The following MGAT5 variants were observed in gnomAD, a reference collection of about 807,000 sequenced individuals.
The protein encoded by MGAT5 is alpha-1,6-mannosylglycoprotein 6-beta-N-acetylglucosaminyltransferase A.
A neutral mutation model predicts 94.3 loss-of-function variants in MGAT5; 30 were observed. The observed-to-expected ratio is 0.32, with a 90% CI of 0.24 to 0.43. The LOEUF is 0.43. MGAT5 is among the 20% of genes least tolerant of loss of function. The probability of loss-of-function intolerance (pLI) is 1.00; values close to 1 mark genes in which losing one functional copy is unlikely to be tolerated. For synonymous variants in MGAT5, 310 were observed against 322.9 expected (o/e 0.96, Z 0.43); for missense variants, 691 against 905.5 (o/e 0.76, Z 3.04).
chr2:134,227,023 A>G (rs1434936705), intron 1 of MGAT5, among the ~76,000 whole-genome samples: 1 of 146,282 alleles, frequency 6.8e-6, no homozygotes, highest in Admixed American at 6.9e-5. Context: ...TGAAATCTCC[A>G]TTTTTCAAAT....
intron 1 of MGAT5, among the ~76,000 whole-genome samples, chr2:134,193,811 G>T (rs1247461440): frequency 1.3e-5 from 2 of 151,430 alleles, no homozygotes; most frequent in African/African-American, 2.4e-5. Flanking sequence ...GCTTCTGCTA[G>T]ATCCCATTTT....
intron 2 of MGAT5, among the ~76,000 whole-genome samples, chr2:134,272,291 C>T (rs1684078660): frequency 6.6e-6 from 1 of 152,126 alleles, no homozygotes. Flanking sequence ...AAGCCAATGG[C>T]TCTGAGCGGG....
In MGAT5 at chr2:134,240,357, G is replaced by GTTTTTTTTTTTTTTTTTT. The variant is rs11316083; in HGVS notation, c.-142-13890_-142-13889insTTTTTTTTTTTTTTTTTT. 1.6e-4 allele frequency among the ~76,000 whole-genome samples: 23 copies of GTTTTTTTTTTTTTTTTTT among 146,808 alleles called. No homozygotes were observed. In the East Asian group the frequency reaches 4.2e-3, roughly 27 times the overall value. ...TGAGCTTTCATTCTAAAATGAAAGTGTTTTTTTTTTTTTTTACTATTTGTA... is the reference window on the plus strand; with the variant it reads ...TGAGCTTTCATTCTAAAATGAAAGTGTTTTTTTTTTTTTTTTTTTTTTTTTTTTTTTTTACTATTTGTA... On this transcript the variant is annotated intron_variant, in intron 1 of 16. Coordinates refer to the MGAT5 transcript ENST00000409645.
chr2:134,447,050 TACATAC>T (rs892071027), intron 15 of MGAT5, among the ~76,000 whole-genome samples: 2 of 152,182 alleles, frequency 1.3e-5, no homozygotes, highest in Non-Finnish European at 2.9e-5. Context: ...AATGATGCTT[TACATAC>T]ACATACACAT....
intron 9 of MGAT5, among the ~76,000 whole-genome samples, chr2:134,358,461 A>G (rs1679890131): frequency 6.6e-6 from 1 of 152,238 alleles, no homozygotes; most frequent in Non-Finnish European, 1.5e-5. Context: ...TGTTTATTGC[A>G]GAAGTCTTAG....
At chr2:134,341,500 C>A in intron 6 of MGAT5, 90 bp from the exon 7 acceptor site, 1 of 1,108,266 alleles carries the variant, frequency 9.0e-7, no homozygotes, top group Non-Finnish European at 1.3e-6. Flanking sequence ...GTAAACATGA[C>A]TTTGGGATTG....
chr2:134,360,393 T>A (rs1573913452), intron 9 of MGAT5, among the ~76,000 whole-genome samples: 1 of 152,210 alleles, frequency 6.6e-6, no homozygotes, highest in East Asian at 1.9e-4. Context: ...TATTTTTTAC[T>A]ATATATTAGT....
At chr2:134,412,589 C>G (rs913816331) in intron 11 of MGAT5, among the ~76,000 whole-genome samples, 1 of 152,020 alleles carries the variant, frequency 6.6e-6, no homozygotes, top group Admixed American at 6.5e-5. Flanking sequence ...ATCCTCCCTA[C>G]CCCGTGGATA....
In MGAT5 at chr2:134,422,907, T is replaced by A. The variant is rs1440228692; in HGVS notation, c.1782T>A (p.Ile594=). ...AAGTAGAGGATGCAGTGAAAGCAAT[T>A]TTAAATCAGAAGGTTGGTTCATTTT... ...QEEVEDAVKA[I]LNQKIEPYMP... is the part of the protein sequence containing the mutation. Residue 594 remains isoleucine (I), a synonymous_variant, in exon 13 of 16, where the codon ATT becomes ATA. Transcript: ENST00000281923. The A allele has an allele frequency of 6.2e-7, 1 of 1,612,900 alleles. No individual in the cohort carries two copies. Among genetic ancestry groups the A allele is most frequent in the Non-Finnish European group, 8.5e-7 (1 of 1,178,972 alleles).
At chr2:134,167,545 T>A (rs564413061) in intron 1 of MGAT5, among the ~76,000 whole-genome samples, 1 of 152,246 alleles carries the variant, frequency 6.6e-6, no homozygotes, top group East Asian at 1.9e-4. Context: ...ATGTTGCCGG[T>A]TCGGGGTCTA....
At chr2:134,146,979 G>A (rs180679421) in intron 1 of MGAT5, among the ~76,000 whole-genome samples, 16 of 152,238 alleles carry the variant, frequency 1.1e-4, no homozygotes, top group Middle Eastern at 3.4e-3. Context: ...GGGTGTGGTG[G>A]TCCCTTTCCA....
At chr2:134,252,538 G>A (rs547085221), upstream of MGAT5, among the ~76,000 whole-genome samples, 6 of 152,286 alleles carry the variant, frequency 3.9e-5, no homozygotes, top group South Asian at 1.2e-3. Context: ...GATAGGCTGT[G>A]GACCACATCT....
chr2:134,201,816 CTTTTT>C (rs554227745), intron 1 of MGAT5, among the ~76,000 whole-genome samples: 3 of 67,874 alleles, frequency 4.4e-5, no homozygotes, highest in African/African-American at 7.3e-5. Flanking sequence ...CCAAGCGCTG[CTTTTT>C]TTTTTTTTTT....
At chr2:134,390,537 AAT>A (rs371124483) in intron 10 of MGAT5, among the ~76,000 whole-genome samples, 21 of 152,288 alleles carry the variant, frequency 1.4e-4, no homozygotes, top group African/African-American at 2.4e-4. Context: ...TTTTTATTTC[AAT>A]ATATGTTTCT....
chr2:134,338,377 C>G lies in MGAT5; in HGVS notation c.764C>G (p.Ser255Cys). 1 of 1,611,752 alleles carries G rather than the reference C, an allele frequency of 6.2e-7. No homozygotes were observed. The highest frequency in any genetic ancestry group is 1.1e-5 in the South Asian group (1 of 90,576). ...GACGCATGGATCCAAGCAATCAAGT[C>G]CCTGGCAGAAAAGCAGAACCTTGAA... ...MADAWIQAIKSLAEKQNLEKR... is the reference protein window; with the variant it reads ...MADAWIQAIKCLAEKQNLEKR... The change falls in exon 6 of 16, where the codon TCC becomes TGC. Residue 255 changes from serine (S) to cysteine (C), a missense_variant. Coordinates refer to ENST00000281923, the MANE Select transcript of MGAT5 (RefSeq NM_002410.5).
intron 1 of MGAT5, among the ~76,000 whole-genome samples, chr2:134,237,971 C>T (rs548750161): frequency 3.3e-5 from 5 of 152,020 alleles, no homozygotes; most frequent in East Asian, 1.9e-4. Context: ...GGCTGATCTC[C>T]AACTCCTGAC....
At chr2:134,189,800 C>T (rs1412443627) in intron 1 of MGAT5, among the ~76,000 whole-genome samples, 1 of 151,724 alleles carries the variant, frequency 6.6e-6, no homozygotes, top group East Asian at 1.9e-4. Flanking sequence ...CAGGTTTTCA[C>T]CATGTTGGCC....
intron 1 of MGAT5, among the ~76,000 whole-genome samples, chr2:134,195,418 T>G: frequency 6.6e-6 from 1 of 152,242 alleles, no homozygotes; most frequent in East Asian, 1.9e-4. Context: ...TGAACAATTC[T>G]TATGTTTTTA....
intron 1 of MGAT5, among the ~76,000 whole-genome samples, chr2:134,151,625 C>T (rs1369666751): frequency 2.7e-5 from 3 of 112,010 alleles, no homozygotes; most frequent in Admixed American, 8.0e-5. Flanking sequence ...ACCTCACTCA[C>T]GCCCTATGGG....
Sources: allele counts gnomAD v4.1 joint callset (sites outside exome capture counted in the v4.1 genomes callset), GRCh38; gene constraint gnomAD v4.1.1; transcripts MANE v1.5; gene names NCBI Gene and HGNC (gene_info 2026-07-23, HGNC 2026-07-21).